The following COL28A1 variants were observed in gnomAD, a reference collection of about 807,000 sequenced individuals.
The protein encoded by COL28A1 is collagen type XXVIII alpha 1 chain.
In COL28A1, 161 loss-of-function variants were observed where a neutral mutation model predicts 150.2. That is an observed-to-expected ratio of 1.07 (90% CI 0.94 to 1.22). The LOEUF (loss-of-function observed/expected upper bound fraction) is 1.22. Among genes scored for constraint, COL28A1 ranks in the 50% most tolerant of loss-of-function variants. The pLI is 0.00. For missense variants in COL28A1, 1,617 were observed against 1,388.3 expected (o/e 1.16, Z -2.62); for synonymous variants, 552 against 469.7 (o/e 1.18, Z -2.26).
At chr7:7,535,952 G>C (rs536662084), upstream of COL28A1, 2 of 152,198 alleles carry the variant, frequency 1.3e-5, no homozygotes, top group Non-Finnish European at 2.9e-5. Flanking sequence ...TTTGGCCAGG[G>C]TGCAAGATCT....
Position 7,490,628 on chromosome 7 carries a change from C to T in COL28A1, c.1045G>A (p.Gly349Ser). 2 of 1,355,076 alleles carry T rather than the reference C, an allele frequency of 1.5e-6. No homozygotes were observed. The highest frequency in any genetic ancestry group is 2.1e-6 in the Non-Finnish European group (2 of 944,598). The allele number at this position is 1,355,076 out of a possible 1,614,324, so 83.9% of individuals were successfully genotyped here. A position where few individuals can be genotyped will look rare whatever the true frequency, so the allele number is the denominator to read the frequency against. ...GGAGCTCCTGGAGAACCATAAGGAC[C>T]AGGAGGACCTGGCTCACCCTGGAGG... ...QGNKGEPGPPGPYGSPGAPGI... is the reference protein window; with the variant it reads ...QGNKGEPGPPSPYGSPGAPGI... Residue 349 changes from glycine (G) to serine (S), a missense_variant, in exon 12 of 35, where the codon GGT becomes AGT. Gly to Ser is a moderately conservative substitution (Grantham distance 56, BLOSUM62 0). Transcript: ENST00000399429.
At chr7:7,378,697 T>TAA (rs750519918) in intron 30 of COL28A1, among the ~76,000 whole-genome samples, 1 of 152,124 alleles carries the variant, frequency 6.6e-6, no homozygotes, top group Non-Finnish European at 1.5e-5. Context: ...CCTCTAGCTA[T>TAA]AAGGGCTCTG....
At chr7:7,409,562 T>C (rs956943103) in intron 27 of COL28A1, among the ~76,000 whole-genome samples, 17 of 152,296 alleles carry the variant, frequency 1.1e-4, no homozygotes, top group Admixed American at 2.0e-4. Flanking sequence ...TCAAATGAAA[T>C]CTTTCACATG....
chr7:7,413,191 C>T (rs13230547), intron 27 of COL28A1, among the ~76,000 whole-genome samples: 21,705 of 151,986 alleles, frequency 0.14, 1,745 homozygotes, highest in Middle Eastern at 0.22. Context: ...GTCATTGAGG[C>T]TATTTTTTAA....
In COL28A1 at chr7:7,380,668, C is replaced by T; in HGVS notation, c.2314G>A (p.Gly772Arg). The T allele has an allele frequency of 6.2e-7, 1 of 1,613,594 alleles. No individual in the cohort carries two copies. Among genetic ancestry groups the T allele is most frequent in the South Asian group, 1.1e-5 (1 of 91,066 alleles). Residue 772 changes from glycine to arginine, a missense_variant, in exon 30 of 35, where the codon GGA (glycine) becomes AGA (arginine). Transcript: ENST00000399429. ...QGLQGPKGDL[G>R]LTKEEIIKLI... ...CTAGAATGGATACTCACTGTAAGTC[C>T]TAGGTCTCCTTTGGGTCCTTGTAAA...
chr7:7,522,053 T>G, intron 4 of COL28A1, 92 bp from the exon 5 acceptor site: 1 of 771,388 alleles, frequency 1.3e-6, no homozygotes, highest in Non-Finnish European at 2.3e-6. Flanking sequence ...TTTCAAAGTG[T>G]ATTTCAAATA....
intron 27 of COL28A1, among the ~76,000 whole-genome samples, chr7:7,391,142 C>T (rs1782518908): frequency 6.6e-6 from 1 of 152,318 alleles, no homozygotes; most frequent in East Asian, 1.9e-4. Flanking sequence ...CTAAACACTG[C>T]TTTAGCTGTG....
At chr7:7,496,114 G>T (rs1050886063) in intron 11 of COL28A1, among the ~76,000 whole-genome samples, 1 of 152,110 alleles carries the variant, frequency 6.6e-6, no homozygotes, top group African/African-American at 2.4e-5. Context: ...TTCAAGAAGG[G>T]TTTTTCTGAT....
chr7:7,376,371 T>G (rs1275534773), intron 30 of COL28A1, among the ~76,000 whole-genome samples: 1 of 152,244 alleles, frequency 6.6e-6, no homozygotes, highest in Non-Finnish European at 1.5e-5. Context: ...GGAGGTGATG[T>G]AGCCTGTAAC....
Position 7,436,629 on chromosome 7 carries a change from G to A in COL28A1, c.1792-166C>T, listed in dbSNP as rs563123015. 2.6e-5 allele frequency among the ~76,000 whole-genome samples: 4 copies of A among 152,300 alleles called. No homozygotes were observed. The South Asian group carries it at 6.2e-4, about 24-fold the overall frequency. On this transcript the variant is annotated intron_variant, in intron 22 of 34. Transcript: ENST00000399429. Reference sequence around the variant, plus strand: ...ATTTGAGGGGACTTTCAAATCCTAAGTAAATAACACCTGTCAGTAAAGACT... The same window carrying A: ...ATTTGAGGGGACTTTCAAATCCTAAATAAATAACACCTGTCAGTAAAGACT...
upstream of COL28A1, among the ~76,000 whole-genome samples, chr7:7,540,021 C>A (rs1336037095): frequency 6.6e-6 from 1 of 151,968 alleles, no homozygotes; most frequent in Non-Finnish European, 1.5e-5. Flanking sequence ...AATATTTCTT[C>A]TTTCCATGTT....
intron 27 of COL28A1, among the ~76,000 whole-genome samples, chr7:7,407,366 T>G (rs975462719): frequency 6.6e-6 from 1 of 151,838 alleles, no homozygotes; most frequent in Non-Finnish European, 1.5e-5. Flanking sequence ...TTAAACAAGA[T>G]AAATAAAAAG....
At chr7:7,363,761 G>A (rs1780793748) in intron 33 of COL28A1, among the ~76,000 whole-genome samples, 1 of 151,686 alleles carries the variant, frequency 6.6e-6, no homozygotes, top group Admixed American at 6.6e-5. Flanking sequence ...ACTATATTAT[G>A]ATCATTCTAT....
chr7:7,444,571 G>A, intron 18 of COL28A1, 82 bp from the exon 19 acceptor site: 3 of 1,375,796 alleles, frequency 2.2e-6, no homozygotes, highest in Non-Finnish European at 3.0e-6. Flanking sequence ...ATCTTACAGT[G>A]TCTGAGAAAA....
At chr7:7,378,163 C>T (rs959235626) in intron 30 of COL28A1, among the ~76,000 whole-genome samples, 3 of 152,104 alleles carry the variant, frequency 2.0e-5, no homozygotes, top group Admixed American at 2.0e-4. Context: ...TTAAGAAATG[C>T]CAATGTACAG....
At chr7:7,443,986 G>GTTTTTTTTTTTTTTTTT (rs71010980) in intron 19 of COL28A1, among the ~76,000 whole-genome samples, 2 of 95,548 alleles carry the variant, frequency 2.1e-5, no homozygotes, top group Non-Finnish European at 4.1e-5. Context: ...TCCATCTGCT[G>GTTTTTTTTTTTTTTTTT]TTTTTTTTTT....
chr7:7,363,179 C>T (rs552456792), intron 33 of COL28A1, among the ~76,000 whole-genome samples: 3 of 152,248 alleles, frequency 2.0e-5, no homozygotes, highest in South Asian at 2.1e-4. Context: ...TTCAGATATA[C>T]GGTCTAGAAG....
intron 15 of COL28A1, among the ~76,000 whole-genome samples, chr7:7,463,783 A>T (rs1163628670): frequency 6.6e-6 from 1 of 152,202 alleles, no homozygotes; most frequent in Non-Finnish European, 1.5e-5. Flanking sequence ...TATAGGCAAA[A>T]AATAGCACAG....
At chr7:7,513,981 T>A (rs1781289242) in intron 8 of COL28A1, among the ~76,000 whole-genome samples, 1 of 152,256 alleles carries the variant, frequency 6.6e-6, no homozygotes, top group Non-Finnish European at 1.5e-5. Flanking sequence ...TTTCTGATGC[T>A]GCTGCTCCTG....
Sources: gnomAD v4.1 joint callset for allele counts (sites outside exome capture counted in the v4.1 genomes callset) on GRCh38, gnomAD v4.1.1 for gene constraint, MANE v1.5 for transcripts, NCBI Gene and HGNC (gene_info 2026-07-23, HGNC 2026-07-21) for gene names.